The following COL6A3 variants were observed in gnomAD, a reference collection of about 807,000 sequenced individuals.
COL6A3 encodes the protein collagen alpha-3(VI) chain.
COL6A3 carries 137 observed loss-of-function variants against 274.1 expected under a neutral mutation model. The observed-to-expected ratio is 0.50, with a 90% CI of 0.44 to 0.58. The LOEUF (loss-of-function observed/expected upper bound fraction) is 0.58, where lower values mean the gene tolerates loss of function less well. Ranked by LOEUF, COL6A3 falls within the 20% of genes least tolerant of loss-of-function variation. COL6A3 has a pLI of 0.00. For synonymous variants in COL6A3, 1,650 were observed against 1,650.6 expected (o/e 1.00, Z 0.01); for missense variants, 3,950 against 4,124.9 (o/e 0.96, Z 1.16).
intron 5 of COL6A3, 50 bp downstream of exon 5, chr2:237,380,865 C>T: frequency 6.5e-7 from 1 of 1,548,450 alleles, no homozygotes; most frequent in Non-Finnish European, 8.9e-7. Flanking sequence ...TTCTTAAAGG[C>T]CCTGCCTGGA....
rs1220673216 is a variant in COL6A3, at chr2:237,387,664, G to T, written c.1230C>A (p.Asp410Glu). 1.9e-6 allele frequency: 3 copies of T among 1,613,752 alleles called. No individual in the cohort carries two copies. The highest frequency in any genetic ancestry group is 2.5e-6 in the Non-Finnish European group (3 of 1,179,908). Reference protein sequence around the residue: ...FTVPEFRSFGDLQEKLLPYIV... With the variant: ...FTVPEFRSFGELQEKLLPYIV... ...TGTACGGCAGTAATTTCTCCTGGAG[G>T]TCCCCAAAGCTACGGAATTCCGGGA... Residue 410 changes from aspartate (D) to glutamate (E), a missense_variant, in exon 4 of 44, where the codon GAC (aspartate) becomes GAA (glutamate). By Grantham distance (45) the Asp-to-Glu change is conservative. Transcript: ENST00000295550.
chr2:237,396,122 G>A (rs1559281361), intron 2 of COL6A3, among the ~76,000 whole-genome samples: 1 of 152,198 alleles, frequency 6.6e-6, no homozygotes, highest in Non-Finnish European at 1.5e-5. Context: ...GGGTCAAGGA[G>A]AGGGAGACCC....
At chr2:237,329,879 G>A (rs939322427) in intron 42 of COL6A3, 13 of 152,168 alleles carry the variant, frequency 8.5e-5, no homozygotes, top group South Asian at 4.1e-4. Context: ...TAAGTAAAAC[G>A]TTAGTAAACA....
Position 237,331,724 on chromosome 2 carries a change from T to TA in COL6A3, c.9328+1725dup, listed in dbSNP as rs11310117. The stretch of plus-strand genomic sequence containing the variant: ...ATTATGCAGGGCCTTGTTCTTTTTT[T>TA]AAAAAAAAAAAAAGGTAATTTATGT... On this transcript the variant is annotated intron_variant, in intron 42 of 43. Transcript: ENST00000295550. Among the ~76,000 whole-genome samples, 67 of 147,718 alleles carry TA rather than the reference T, an allele frequency of 4.5e-4. 1 individual carries two copies. The South Asian group carries it at 7.1e-3, about 16-fold the overall frequency.
chr2:237,378,840 C>T lies in COL6A3; in HGVS notation c.2293G>A (p.Ala765Thr), dbSNP rs1256603031. 5.6e-6 allele frequency: 9 copies of T among 1,614,234 alleles called. No individual in the cohort carries two copies. Among genetic ancestry groups the T allele is most frequent in the East Asian group, 2.2e-5 (1 of 44,886 alleles). The change falls in exon 6 of 44, where the codon GCC (alanine) becomes ACC (threonine). Residue 765 changes from alanine (A) to threonine (T), a missense_variant. Transcript: ENST00000295550. ...GTCAGGATGCCCGCGCGTGTCAAGG[C>T]GTTGGCAGCTTGCAAATAGGAGTCC... ...SEDSYLQAAN[A>T]LTRAGILTFC...
At chr2:237,357,277 G>A in intron 23 of COL6A3, 61 bp downstream of exon 23, 1 of 1,424,086 alleles carries the variant, frequency 7.0e-7, no homozygotes, top group Non-Finnish European at 9.9e-7. Flanking sequence ...AGGTCATGTT[G>A]GGCAGATCTT....
intron 1 of COL6A3, among the ~76,000 whole-genome samples, chr2:237,410,451 G>A (rs2078829937): frequency 6.6e-6 from 1 of 151,984 alleles, no homozygotes; most frequent in South Asian, 2.1e-4. Flanking sequence ...ACAGGCACAT[G>A]CCACCATGCC....
intron 16 of COL6A3, among the ~76,000 whole-genome samples, chr2:237,360,754 C>T (rs1018015211): frequency 6.6e-6 from 1 of 152,252 alleles, no homozygotes; most frequent in Admixed American, 6.5e-5. Context: ...ACGGGGTAAC[C>T]CCTAAAGCCC....
rs760976593 is a variant in COL6A3, at chr2:237,378,944, T to C, written c.2189A>G (p.His730Arg). Residue 730 changes from histidine (H) to arginine (R), a missense_variant, in exon 6 of 44, where the codon CAC (histidine) becomes CGC (arginine). Physicochemically the swap from His to Arg is conservative, Grantham distance 29. Around this residue, in one of 5 missense-constraint regions of COL6A3, gnomAD observed 1,934 missense variants for 1,984.3 expected, o/e 0.97. Transcript: ENST00000295550. The stretch of plus-strand genomic sequence containing the variant: ...CCTGCTGCCGCCAGCTTCCGTGAAG[T>C]GGTTGGCATAGACATAGCTTAGGGC... Reference protein sequence around the residue: ...GSALSYVYANHFTEAGGSRIR... With the variant: ...GSALSYVYANRFTEAGGSRIR... 1.2e-5 allele frequency: 20 copies of C among 1,614,042 alleles called. No individual in the cohort carries two copies. Among genetic ancestry groups the C allele is most frequent in the Admixed American group, 1.7e-5 (1 of 60,006 alleles).
chr2:237,369,382 G>A (rs759023593), intron 9 of COL6A3, among the ~76,000 whole-genome samples: 15 of 152,176 alleles, frequency 9.9e-5, no homozygotes, highest in Non-Finnish European at 1.9e-4. Flanking sequence ...TGAAATATTT[G>A]AAGTTATCCA....
In COL6A3 at chr2:237,367,237, G is replaced by A; in HGVS notation, c.4950C>T (p.Phe1650=). Residue 1650 remains phenylalanine, a synonymous_variant, in exon 11 of 44, where the codon TTC becomes TTT. Transcript: ENST00000295550. ...GCACTTCCTGGAAACTGTCCCTCCT[G>A]AAGTTGATGGAACCATCCAACAGGA... is the stretch of plus-strand genomic sequence containing the variant. ...IVFLLDGSIN[F]RRDSFQEVLR... The A allele has an allele frequency of 6.2e-7, 1 of 1,613,912 alleles. No homozygotes were observed. Among genetic ancestry groups the A allele is most frequent in the Non-Finnish European group, 8.5e-7 (1 of 1,179,850 alleles).
chr2:237,375,909 ATATAGGGACCCCTTT>A (rs1559252804), intron 7 of COL6A3, among the ~76,000 whole-genome samples: 1 of 152,240 alleles, frequency 6.6e-6, no homozygotes, highest in Admixed American at 6.5e-5. Flanking sequence ...TAATACACCA[ATATAGGGACCCCTTT>A]TATTTTGGAA....
At chr2:237,325,422 T>A (rs778497093) in intron 43 of COL6A3, 138 bp downstream of exon 43, 6 of 998,608 alleles carry the variant, frequency 6.0e-6, no homozygotes, top group Non-Finnish European at 9.3e-6. Flanking sequence ...TATTTGAACG[T>A]CTTCCTTATC....
Position 237,340,495 on chromosome 2 carries a change from C to T in COL6A3, c.8421G>A (p.Glu2807=), listed in dbSNP as rs753264980. Residue 2807 remains glutamate (E), a synonymous_variant, in exon 38 of 44, where the codon GAG becomes GAA. Coordinates refer to ENST00000295550, the MANE Select transcript of COL6A3 (RefSeq NM_004369.4). The stretch of plus-strand genomic sequence containing the variant: ...ACAGCCTCCCGAAGCGCATCAAAGG[C>T]TCCTCGTTGAGCTCGGTGGACTTGT... The part of the protein sequence containing the change: ...LVDKSTELNE[E]PLMRFGRLLP... The T allele has an allele frequency of 6.2e-7, 1 of 1,614,106 alleles. No homozygotes were observed. Among genetic ancestry groups the T allele is most frequent in the Non-Finnish European group, 8.5e-7 (1 of 1,180,048 alleles).
At chr2:237,345,889 C>T (rs2077088885) in intron 32 of COL6A3, among the ~76,000 whole-genome samples, 1 of 152,216 alleles carries the variant, frequency 6.6e-6, no homozygotes, top group Non-Finnish European at 1.5e-5. Flanking sequence ...CTGAACCTTT[C>T]CTTCTAGGAA....
chr2:237,404,414 C>T (rs1410605627), intron 1 of COL6A3, among the ~76,000 whole-genome samples: 4 of 152,192 alleles, frequency 2.6e-5, no homozygotes, highest in Admixed American at 6.5e-5. Context: ...AGATCCAGTT[C>T]GATTACTTTA....
chr2:237,341,830 C>T (rs1490999656), intron 37 of COL6A3, among the ~76,000 whole-genome samples: 2 of 152,170 alleles, frequency 1.3e-5, no homozygotes, highest in South Asian at 2.1e-4. Context: ...AAACTGCCTC[C>T]TCCTTTGTTA....
rs1413019182 is a variant in COL6A3 at position 237,374,425 on chromosome 2, A to G, written c.3666T>C (p.Pro1222=). 1.9e-6 allele frequency: 3 copies of G among 1,613,224 alleles called. No homozygotes were observed. Among genetic ancestry groups the G allele is most frequent in the Non-Finnish European group, 1.7e-6 (2 of 1,179,944 alleles). ...ELSRLQPVLQ[P]LPSPGVGGKR... ...TTCCCTGCGTACCTGGGCTCGGTAG[A>G]GGCTGCAACACCGGCTGCAGCCTGC... Residue 1222 remains proline (P), a synonymous_variant, in exon 8 of 44, where the codon CCT becomes CCC. Transcript: ENST00000295550. This position sits in a 1 kb window ranked among gnomAD's most constrained non-coding sequence, Gnocchi z 4.8.
At position 237,374,623 on chromosome 2, in the gene COL6A3, C is replaced by A. The variant is rs2077783334; in HGVS notation, c.3468G>T (p.Lys1156Asn). Residue 1156 changes from lysine (K) to asparagine (N), a missense_variant, in exon 8 of 44, where the codon AAG becomes AAT. This residue lies in a region of COL6A3 where 1,934 missense variants were observed against 1,984.3 expected (regional missense o/e 0.97). Coordinates refer to ENST00000295550, the MANE Select transcript of COL6A3 (RefSeq NM_004369.4). The surrounding 1 kb of genome is among the most constrained non-coding windows in gnomAD (Gnocchi z 4.8). ...TGCCAATGGGCACAGCCCCACCCCT[C>A]TTCACGACCACGGAGGGGTTCCGCA... ...DDVRNPSVVV[K>N]RGGAVPIGIG... The A allele has an allele frequency of 6.2e-7, 1 of 1,614,106 alleles. No individual in the cohort carries two copies. The highest frequency in any genetic ancestry group is 8.5e-7 in the Non-Finnish European group (1 of 1,180,058).
Sources: allele counts gnomAD v4.1 joint callset (sites outside exome capture counted in the v4.1 genomes callset), GRCh38; gene constraint gnomAD v4.1.1; regional missense constraint gnomAD v4.1.1; non-coding constraint Gnocchi (gnomAD v3.1); transcripts MANE v1.5; gene names NCBI Gene and HGNC (gene_info 2026-07-23, HGNC 2026-07-21).